RIMS1: variants seen among roughly 807,000 people sequenced by gnomAD.
The protein encoded by RIMS1 is regulating synaptic membrane exocytosis 1.
RIMS1 carries 83 observed loss-of-function variants against 214.1 expected under a neutral mutation model. The observed-to-expected ratio is 0.39, with a 90% CI of 0.32 to 0.47. RIMS1 has a LOEUF of 0.47. Among genes scored for constraint, RIMS1 ranks in the 20% least tolerant of loss-of-function variants. RIMS1 has a pLI of 0.99. For synonymous variants in RIMS1, 793 were observed against 786.8 expected (o/e 1.01, Z -0.13); for missense variants, 2,050 against 2,161.8 (o/e 0.95, Z 1.03).
rs1354902838 is a variant in RIMS1 at position 72,372,938 on chromosome 6, A to G, written c.4367-17660A>G. 2.0e-5 allele frequency among the ~76,000 whole-genome samples: 3 copies of G among 152,280 alleles called. No homozygotes were observed. The East Asian group carries it at 5.8e-4, about 29-fold the overall frequency. On this transcript the variant is annotated intron_variant, in intron 29 of 33. Transcript: ENST00000521978. ...AAACAATCCTGGGAATAAAGGACAC[A>G]GTCCACTGCTTTCATAATAAGACAA...
chr6:72,341,752 G>A (rs1485267296), intron 29 of RIMS1, among the ~76,000 whole-genome samples: 4 of 151,710 alleles, frequency 2.6e-5, no homozygotes, highest in Admixed American at 1.3e-4. Flanking sequence ...AAGGTAGTGG[G>A]GAGACAAATT....
At chr6:71,916,958 G>A (rs1778613221) in intron 1 of RIMS1, among the ~76,000 whole-genome samples, 1 of 152,124 alleles carries the variant, frequency 6.6e-6, no homozygotes, top group Non-Finnish European at 1.5e-5. Context: ...CCCTCACAGA[G>A]CTTGCATTCT....
chr6:72,250,438 A>G lies in RIMS1; in HGVS notation c.2350A>G (p.Met784Val). The G allele has an allele frequency of 1.3e-6, 2 of 1,595,680 alleles. No individual in the cohort carries two copies. The highest frequency in any genetic ancestry group is 1.7e-6 in the Non-Finnish European group (2 of 1,168,010). The change falls in exon 13 of 34, where the codon ATG becomes GTG. Residue 784 changes from methionine to valine, a missense_variant. Coordinates refer to ENST00000521978, the MANE Select transcript of RIMS1 (RefSeq NM_014989.7). ...ACGTCCTCGAAATCCCTATGTAAAA[A>G]TGTATTTTCTTCCAGATAGAAGGTA... is the stretch of plus-strand genomic sequence containing the variant. ...DGRPRNPYVK[M>V]YFLPDRSDKS...
At chr6:72,234,978 T>A (rs760761961) in intron 7 of RIMS1, among the ~76,000 whole-genome samples, 13 of 152,226 alleles carry the variant, frequency 8.5e-5, no homozygotes, top group Non-Finnish European at 1.9e-4. Context: ...TCCTTAGGAT[T>A]TTAAAATATT....
intron 1 of RIMS1, among the ~76,000 whole-genome samples, chr6:71,952,346 A>T (rs887929397): frequency 6.6e-6 from 1 of 152,246 alleles, no homozygotes; most frequent in Non-Finnish European, 1.5e-5. Context: ...GTTGTTCAGC[A>T]AATATATATT....
At chr6:72,339,323 T>C (rs533105887) in intron 29 of RIMS1, among the ~76,000 whole-genome samples, 1 of 152,162 alleles carries the variant, frequency 6.6e-6, no homozygotes, top group Admixed American at 6.5e-5. Flanking sequence ...AGGGCACATG[T>C]GCACAACGTG....
chr6:72,068,858 C>A (rs1340636937), intron 2 of RIMS1, among the ~76,000 whole-genome samples: 1 of 151,748 alleles, frequency 6.6e-6, no homozygotes, highest in Non-Finnish European at 1.5e-5. Context: ...TTGCAGTGAG[C>A]CGAGATCGCG....
At chr6:72,020,275 T>C (rs1814208711) in intron 2 of RIMS1, among the ~76,000 whole-genome samples, 1 of 152,198 alleles carries the variant, frequency 6.6e-6, no homozygotes, top group South Asian at 2.1e-4. Flanking sequence ...CTGGAGATAA[T>C]AAGGTGTCTG....
chr6:72,349,674 C>G (rs558640935), intron 29 of RIMS1, among the ~76,000 whole-genome samples: 12 of 151,880 alleles, frequency 7.9e-5, no homozygotes, highest in African/African-American at 2.7e-4. Flanking sequence ...TAGAAACTTA[C>G]CGGAAAGGGT....
At chr6:72,035,881 G>T (rs1002071072) in intron 2 of RIMS1, among the ~76,000 whole-genome samples, 6 of 152,156 alleles carry the variant, frequency 3.9e-5, no homozygotes, top group Middle Eastern at 3.4e-3. Flanking sequence ...AATACTTTTG[G>T]ACAGAAAAGA....
intron 1 of RIMS1, among the ~76,000 whole-genome samples, chr6:71,900,175 G>A (rs1582097059): frequency 1.3e-5 from 2 of 152,048 alleles, no homozygotes; most frequent in Non-Finnish European, 2.9e-5. Flanking sequence ...AGTTAAGCAG[G>A]CAAATAGGGG....
Position 72,160,593 on chromosome 6 carries a change from AG to A in RIMS1, c.472-18979del, listed in dbSNP as rs552978962. 1.4e-5 allele frequency among the ~76,000 whole-genome samples: 2 copies of A among 140,432 alleles called. 1 individual carries two copies. The highest frequency in any genetic ancestry group is 3.2e-5 in the Non-Finnish European group (2 of 61,892). The allele number at this position is 140,432 out of a possible 152,430, so 92.1% of individuals were successfully genotyped here. A position where few individuals can be genotyped will look rare whatever the true frequency, so the allele number is the denominator to read the frequency against. ...AATTTATTGAGAGTTTTTAGCATGA[AG>A]GGCTGTTGAATTTTGTCAAATGCCT... On this transcript the variant is annotated intron_variant, in intron 4 of 33. Transcript: ENST00000521978.
intron 1 of RIMS1, among the ~76,000 whole-genome samples, chr6:71,888,463 G>A (rs1768534987): frequency 6.6e-6 from 1 of 152,198 alleles, no homozygotes; most frequent in Admixed American, 6.5e-5. Context: ...CCCAGACACA[G>A]AGCACATTCT....
At chr6:71,930,147 ATGT>A (rs1273440739) in intron 1 of RIMS1, among the ~76,000 whole-genome samples, 3 of 152,014 alleles carry the variant, frequency 2.0e-5, no homozygotes, top group Non-Finnish European at 4.4e-5. Context: ...ATAGTTCATT[ATGT>A]TGTTGTATTC....
chr6:72,265,003 C>T lies in RIMS1; in HGVS notation c.3145C>T (p.Pro1049Ser), dbSNP rs751902187. The T allele has an allele frequency of 1.9e-6, 3 of 1,597,436 alleles. No individual in the cohort carries two copies. In the Admixed American group the frequency reaches 5.1e-5, roughly 27 times the overall value. ...TCTTGTTAGGCACTATAAAACATTACCTCCCAAGATGCCTTTATTACAGAG... is the reference window on the plus strand; with the variant it reads ...TCTTGTTAGGCACTATAAAACATTATCTCCCAAGATGCCTTTATTACAGAG... ...RHLVRHYKTL[P>S]PKMPLLQSSS... Residue 1049 changes from proline (P) to serine (S), a missense_variant, in exon 20 of 34, where the codon CCT becomes TCT. By Grantham distance (74) the Pro-to-Ser change is moderately conservative. Transcript: ENST00000521978.
chr6:71,982,007 T>G (rs972042840), intron 2 of RIMS1, among the ~76,000 whole-genome samples: 2 of 152,118 alleles, frequency 1.3e-5, no homozygotes, highest in African/African-American at 4.8e-5. Flanking sequence ...ACAAATGATT[T>G]CAAGATGGAT....
chr6:71,898,141 A>G (rs1429815204), intron 1 of RIMS1, among the ~76,000 whole-genome samples: 1 of 152,190 alleles, frequency 6.6e-6, no homozygotes, highest in African/African-American at 2.4e-5. Context: ...GTATTTGAAT[A>G]TAGGTGAGGA....
At chr6:72,336,977 C>G (rs1288742322) in intron 29 of RIMS1, among the ~76,000 whole-genome samples, 1 of 151,706 alleles carries the variant, frequency 6.6e-6, no homozygotes, top group African/African-American at 2.4e-5. Context: ...ATTCCTCTTC[C>G]CCTATGAAAT....
At chr6:72,233,958 C>G in intron 7 of RIMS1, 118 bp downstream of exon 7, 1 of 619,282 alleles carries the variant, frequency 1.6e-6, no homozygotes, top group Non-Finnish European at 2.8e-6. Context: ...ATATTGATTT[C>G]ATTTAAGATA....
Sources: gnomAD v4.1 joint callset for allele counts (sites outside exome capture counted in the v4.1 genomes callset) on GRCh38, gnomAD v4.1.1 for gene constraint, MANE v1.5 for transcripts, NCBI Gene and HGNC (gene_info 2026-07-23, HGNC 2026-07-21) for gene names.